The following BTBD10 variants were observed in gnomAD, a reference collection of about 807,000 sequenced individuals.
The protein encoded by BTBD10 is BTB domain containing 10, also known as BTB/POZ domain-containing protein 10.
BTBD10 carries 21 observed loss-of-function variants against 53.2 expected under a neutral mutation model. The observed-to-expected ratio is 0.39, with a 90% CI of 0.28 to 0.57. BTBD10 has a LOEUF of 0.57. Among genes scored for constraint, BTBD10 ranks in the 20% least tolerant of loss-of-function variants. The probability of loss-of-function intolerance (pLI) is 0.53; values close to 1 mark genes in which losing one functional copy is unlikely to be tolerated. For missense variants in BTBD10, 360 were observed against 594.7 expected (o/e 0.61, Z 4.10); for synonymous variants, 149 against 192.7 (o/e 0.77, Z 1.88).
intron 8 of BTBD10, among the ~76,000 whole-genome samples, chr11:13,391,169 T>C (rs1486753551): frequency 1.3e-5 from 2 of 152,222 alleles, no homozygotes; most frequent in African/African-American, 2.4e-5. Flanking sequence ...CAAGGCTTTT[T>C]TTACAGCCTG....
rs535354847 is a variant in BTBD10 at position 13,413,631 on chromosome 11, A to G, written c.707T>C (p.Ile236Thr). ...RAILDYYKTG[I>T]IRCPDGISIP... ...AGATATGCCATCAGGACAACGGATT[A>G]TTCCTGTTTTATAGTAATCCTGGAA... The change falls in exon 6 of 9, where the codon ATA (isoleucine) becomes ACA (threonine). Residue 236 changes from isoleucine to threonine, a missense_variant. This residue lies in a region of BTBD10 where 91 missense variants were observed against 171.7 expected (regional missense o/e 0.53). Coordinates refer to ENST00000278174, the MANE Select transcript of BTBD10 (RefSeq NM_032320.7). The G allele has an allele frequency of 1.2e-6, 2 of 1,610,656 alleles. No homozygotes were observed. The highest frequency in any genetic ancestry group is 4.5e-5 in the East Asian group (2 of 44,670).
chr11:13,449,689 T>C (rs889199421), intron 1 of BTBD10, among the ~76,000 whole-genome samples: 2 of 152,174 alleles, frequency 1.3e-5, no homozygotes, highest in Admixed American at 1.3e-4. Flanking sequence ...GGCTGGAAAG[T>C]CCAAAAGCAT....
intron 2 of BTBD10, among the ~76,000 whole-genome samples, chr11:13,436,731 A>G (rs1482960694): frequency 1.3e-5 from 2 of 152,202 alleles, no homozygotes; most frequent in Non-Finnish European, 2.9e-5. Flanking sequence ...AAATATCTGA[A>G]GATAGCTCTT....
chr11:13,405,618 C>A (rs201285146), intron 7 of BTBD10, 41 bp downstream of exon 7: 2 of 1,601,646 alleles, frequency 1.2e-6, no homozygotes, highest in African/African-American at 2.7e-5. Context: ...AGAAATAATT[C>A]GTGATGATTC....
intron 8 of BTBD10, among the ~76,000 whole-genome samples, chr11:13,389,813 C>G (rs1467417115): frequency 6.6e-6 from 1 of 152,166 alleles, no homozygotes; most frequent in Non-Finnish European, 1.5e-5. Flanking sequence ...TTCCTTAAAC[C>G]TACATCTCGT....
chr11:13,398,134 C>G (rs1159816167), intron 8 of BTBD10, among the ~76,000 whole-genome samples: 1 of 152,142 alleles, frequency 6.6e-6, no homozygotes, highest in Non-Finnish European at 1.5e-5. Flanking sequence ...CTAATGTTGA[C>G]AGTGGGGTGT....
At position 13,433,553 on chromosome 11, in the gene BTBD10, C is replaced by T. The variant is rs151004008; in HGVS notation, c.101+11471G>A. On this transcript the variant is annotated intron_variant, in intron 2 of 8. Transcript: ENST00000278174. ...ACTTTATATTAATATATTTTTGAAG[C>T]AACTGATTTGCTTTTTATAAGCATC... Among the ~76,000 whole-genome samples the T allele has an allele frequency of 6.8e-3, 1,041 of 152,214 alleles. 17 individuals carry two copies. The highest frequency in any genetic ancestry group is 0.024 in the African/African-American group (993 of 41,524).
In BTBD10 at chr11:13,399,560, C is replaced by T. The variant is rs147267884; in HGVS notation, c.1117+3608G>A. On this transcript the variant is annotated intron_variant, in intron 8 of 8. Coordinates refer to ENST00000278174, the MANE Select transcript of BTBD10 (RefSeq NM_032320.7). Reference sequence around the variant, plus strand: ...CCTCTCTCAACTCGTCAAAGTCATTCTCCATTCAGCTTTGTTCCGTTGCTG... The same window carrying T: ...CCTCTCTCAACTCGTCAAAGTCATTTTCCATTCAGCTTTGTTCCGTTGCTG... Among the ~76,000 whole-genome samples the T allele has an allele frequency of 6.1e-3, 936 of 152,312 alleles. 13 individuals carry two copies. The highest frequency in any genetic ancestry group is 0.021 in the African/African-American group (879 of 41,564).
At chr11:13,445,303 C>T in intron 1 of BTBD10, 122 bp from the exon 2 acceptor site, 1 of 415,976 alleles carries the variant, frequency 2.4e-6, no homozygotes. Flanking sequence ...TTATAAAATA[C>T]TAACCATACA....
At chr11:13,401,028 T>C (rs1239802353) in intron 8 of BTBD10, among the ~76,000 whole-genome samples, 2 of 151,884 alleles carry the variant, frequency 1.3e-5, no homozygotes, top group East Asian at 3.9e-4. Flanking sequence ...TTAATATGGA[T>C]TGATTCAAAT....
At chr11:13,442,469 T>G (rs190301184) in intron 2 of BTBD10, among the ~76,000 whole-genome samples, 34 of 152,304 alleles carry the variant, frequency 2.2e-4, no homozygotes, top group African/African-American at 7.7e-4. Context: ...CATTTCGTTT[T>G]TTTTCATTTG....
chr11:13,456,041 G>T (rs1950960370), intron 1 of BTBD10, among the ~76,000 whole-genome samples: 1 of 152,144 alleles, frequency 6.6e-6, no homozygotes, highest in Non-Finnish European at 1.5e-5. Flanking sequence ...CGTCTGCACT[G>T]TCCGAAAAGT....
intron 1 of BTBD10, among the ~76,000 whole-genome samples, chr11:13,446,036 C>T (rs1188683349): frequency 6.6e-6 from 1 of 152,052 alleles, no homozygotes; most frequent in Non-Finnish European, 1.5e-5. Context: ...GGATAATTCA[C>T]TATATAGAAT....
chr11:13,394,419 C>T (rs1432791589), intron 8 of BTBD10, among the ~76,000 whole-genome samples: 1 of 152,072 alleles, frequency 6.6e-6, no homozygotes, highest in South Asian at 2.1e-4. Context: ...TTCCTCTTTG[C>T]CTTCTGCCAT....
At chr11:13,430,829 T>C (rs1275218585) in intron 2 of BTBD10, among the ~76,000 whole-genome samples, 3 of 152,116 alleles carry the variant, frequency 2.0e-5, no homozygotes, top group East Asian at 1.9e-4. Context: ...GAGTACTGTA[T>C]AGAGCGACAG....
rs562206898 is a variant in BTBD10, at chr11:13,444,562, A to G, written c.101+462T>C. ...AAACCAGTAGAGTCATTCCAGAAAG[A>G]TTAATTTTTCTCATTAATGAGAAGG... is the stretch of plus-strand genomic sequence containing the variant. On this transcript the variant is annotated intron_variant, in intron 2 of 8. Transcript: ENST00000278174. Among the ~76,000 whole-genome samples, 3 of 152,310 alleles carry G rather than the reference A, an allele frequency of 2.0e-5. No individual in the cohort carries two copies. In the South Asian group the frequency reaches 6.2e-4, roughly 32 times the overall value.
intron 1 of BTBD10, among the ~76,000 whole-genome samples, chr11:13,461,475 T>G (rs1951095160): frequency 6.6e-6 from 1 of 152,194 alleles, no homozygotes; most frequent in African/African-American, 2.4e-5. Context: ...GTGAGTTTGT[T>G]GCTCATGCTA....
At chr11:13,448,176 C>T (rs1037983394) in intron 1 of BTBD10, among the ~76,000 whole-genome samples, 2 of 152,064 alleles carry the variant, frequency 1.3e-5, no homozygotes, top group Non-Finnish European at 2.9e-5. Flanking sequence ...TATTCCTGTA[C>T]TCAAAAAACT....
At chr11:13,460,660 T>C (rs1301401574) in intron 1 of BTBD10, among the ~76,000 whole-genome samples, 3 of 152,202 alleles carry the variant, frequency 2.0e-5, no homozygotes, top group South Asian at 4.1e-4. Flanking sequence ...GAGTGTTTGC[T>C]TCACATCACA....
Sources: allele counts gnomAD v4.1 joint callset (sites outside exome capture counted in the v4.1 genomes callset), GRCh38; gene constraint gnomAD v4.1.1; regional missense constraint gnomAD v4.1.1; transcripts MANE v1.5; gene names NCBI Gene and HGNC (gene_info 2026-07-23, HGNC 2026-07-21).